GALNT14: variants seen among roughly 807,000 people sequenced by gnomAD.
The protein encoded by GALNT14 is polypeptide N-acetylgalactosaminyltransferase 14.
Under a neutral mutation model 77.5 loss-of-function variants are expected in GALNT14, and 60 were observed. The ratio of observed to expected loss-of-function variants is 0.77; its 90% CI spans 0.63 to 0.96. The LOEUF is 0.96. GALNT14 is among the 40% of genes least tolerant of loss of function. GALNT14 has a pLI of 0.00. For missense variants in GALNT14, 710 were observed against 731.0 expected (o/e 0.97, Z 0.33); for synonymous variants, 280 against 281.7 (o/e 0.99, Z 0.06).
intron 9 of GALNT14, among the ~76,000 whole-genome samples, chr2:30,933,028 C>T (rs567198149): frequency 2.6e-5 from 4 of 152,206 alleles, no homozygotes; most frequent in Admixed American, 6.5e-5. Context: ...TATTTCTCCC[C>T]GGGACTGTAC....
intron 11 of GALNT14, among the ~76,000 whole-genome samples, chr2:30,926,698 C>T (rs1354256416): frequency 6.6e-6 from 1 of 151,024 alleles, no homozygotes; most frequent in Non-Finnish European, 1.5e-5. Context: ...AGAAGAAACG[C>T]CATGCCTGCA....
chr2:31,106,930 T>A (rs1677587952), intron 1 of GALNT14, among the ~76,000 whole-genome samples: 1 of 152,204 alleles, frequency 6.6e-6, no homozygotes, highest in African/African-American at 2.4e-5. Context: ...GTAAGCTTTC[T>A]TTGTGGAGGA....
At chr2:31,047,661 C>T (rs1329307891) in intron 1 of GALNT14, among the ~76,000 whole-genome samples, 1 of 152,190 alleles carries the variant, frequency 6.6e-6, no homozygotes, top group Non-Finnish European at 1.5e-5. Flanking sequence ...AGGAGGTGCA[C>T]TCGAGCAAGG....
chr2:31,084,252 G>A (rs1358076812), intron 1 of GALNT14, among the ~76,000 whole-genome samples: 1 of 152,230 alleles, frequency 6.6e-6, no homozygotes, highest in Admixed American at 6.5e-5. Flanking sequence ...CTGAGGCTAA[G>A]AGAGGTAAGC....
intron 2 of GALNT14, among the ~76,000 whole-genome samples, chr2:30,988,336 G>A (rs569329857): frequency 2.6e-5 from 4 of 152,330 alleles, no homozygotes; most frequent in South Asian, 4.1e-4. Context: ...ATATGATTGG[G>A]TGTCCTCAAG....
intron 1 of GALNT14, among the ~76,000 whole-genome samples, chr2:31,020,560 C>A (rs1287097215): frequency 6.6e-6 from 1 of 152,150 alleles, no homozygotes; most frequent in African/African-American, 2.4e-5. Context: ...ACCCAAGACA[C>A]CTGACACCCC....
At chr2:31,022,468 CT>C (rs1459189675) in intron 1 of GALNT14, among the ~76,000 whole-genome samples, 2 of 152,120 alleles carry the variant, frequency 1.3e-5, no homozygotes, top group East Asian at 1.9e-4. Flanking sequence ...GGAATAAGGC[CT>C]TTTTTTCCCC....
chr2:31,000,334 A>G (rs1670285885), intron 1 of GALNT14, among the ~76,000 whole-genome samples: 1 of 152,106 alleles, frequency 6.6e-6, no homozygotes, highest in Admixed American at 6.5e-5. Context: ...TGCTTGTCTC[A>G]GGTCATGAAA....
intron 1 of GALNT14, among the ~76,000 whole-genome samples, chr2:31,055,388 A>G (rs11681174): frequency 0.078 from 11,902 of 152,302 alleles, 530 homozygotes; most frequent in East Asian, 0.11. Context: ...AATTAAAGGC[A>G]CTATATAAAA....
chr2:30,928,817 A>C (rs1665545869), intron 11 of GALNT14, among the ~76,000 whole-genome samples: 1 of 152,056 alleles, frequency 6.6e-6, no homozygotes, highest in Non-Finnish European at 1.5e-5. Flanking sequence ...GGGTTTCACC[A>C]TATTGGCCAG....
intron 9 of GALNT14, among the ~76,000 whole-genome samples, chr2:30,936,618 C>A (rs909330349): frequency 3.9e-5 from 6 of 152,108 alleles, no homozygotes; most frequent in Non-Finnish European, 5.9e-5. Context: ...GGAACCTTGC[C>A]TTTCAGTAAT....
chr2:31,068,574 T>G (rs987161632), intron 1 of GALNT14, among the ~76,000 whole-genome samples: 3 of 151,244 alleles, frequency 2.0e-5, no homozygotes, highest in Non-Finnish European at 4.4e-5. Flanking sequence ...TTTTGAATAG[T>G]GCAGAGCTAC....
chr2:30,964,546 C>T (rs17010520), intron 3 of GALNT14, among the ~76,000 whole-genome samples: 8,386 of 152,206 alleles, frequency 0.055, 781 homozygotes, highest in African/African-American at 0.19. Context: ...TTGTCAAGAG[C>T]TATTGCCTGG....
chr2:31,128,260 G>A (rs2148647681), intron 1 of GALNT14, among the ~76,000 whole-genome samples: 1 of 152,152 alleles, frequency 6.6e-6, no homozygotes, highest in East Asian at 1.9e-4. Flanking sequence ...CTGAGGAGTT[G>A]TCCATCAGTT....
At chr2:30,913,793 T>C (rs1156974873) in intron 13 of GALNT14, among the ~76,000 whole-genome samples, 1 of 152,178 alleles carries the variant, frequency 6.6e-6, no homozygotes, top group Non-Finnish European at 1.5e-5. Flanking sequence ...GATGCAAATA[T>C]AGATGAAACA....
chr2:30,911,115 T>C (rs911999669), intron 14 of GALNT14, 56 bp from the exon 15 acceptor site: 1 of 1,542,110 alleles, frequency 6.5e-7, no homozygotes, highest in Non-Finnish European at 8.9e-7. Flanking sequence ...ACATGGGAGT[T>C]CCAGCTTTAT....
At chr2:31,001,570 C>T (rs1558481877) in intron 1 of GALNT14, among the ~76,000 whole-genome samples, 1 of 152,224 alleles carries the variant, frequency 6.6e-6, no homozygotes, top group East Asian at 1.9e-4. Flanking sequence ...TGGAGGAAAA[C>T]ATCTCCAATT....
chr2:31,099,237 T>G (rs1677151108), intron 1 of GALNT14, among the ~76,000 whole-genome samples: 1 of 152,074 alleles, frequency 6.6e-6, no homozygotes, highest in Admixed American at 6.6e-5. Context: ...AATTTAGGTC[T>G]ATTCATATTT....
chr2:31,044,265 T>C lies in GALNT14; in HGVS notation c.130-51258A>G. ...TACACCACTCATCTCACCCGGGCCA[T>C]CTCATTGTGTTCACAAACTCAACAC... On this transcript the variant is annotated intron_variant, in intron 1 of 14. Transcript: ENST00000349752. Among the ~76,000 whole-genome samples the C allele has an allele frequency of 1.3e-5, 2 of 152,132 alleles. 1 individual carries two copies. Among genetic ancestry groups the C allele is most frequent in the Non-Finnish European group, 2.9e-5 (2 of 68,018 alleles).
Sources: gnomAD v4.1 joint callset for allele counts (sites outside exome capture counted in the v4.1 genomes callset) on GRCh38, gnomAD v4.1.1 for gene constraint, MANE v1.5 for transcripts, NCBI Gene and HGNC (gene_info 2026-07-23, HGNC 2026-07-21) for gene names.